Variants in IRF2 observed in about 807,000 individuals in gnomAD.
The protein encoded by IRF2 is interferon regulatory factor 2.
Under a neutral mutation model 40.6 loss-of-function variants are expected in IRF2, and 15 were observed. The ratio of observed to expected loss-of-function variants is 0.37; its 90% CI spans 0.25 to 0.57. The LOEUF (loss-of-function observed/expected upper bound fraction) is 0.57, where lower values mean the gene tolerates loss of function less well. Ranked by LOEUF, IRF2 falls within the 20% of genes least tolerant of loss-of-function variation. The pLI, the probability that IRF2 is intolerant of heterozygous loss-of-function variation, is 0.77. For synonymous variants in IRF2, 151 were observed against 165.5 expected, an observed-to-expected ratio of 0.91 and a Z score of 0.67; for missense variants, 317 against 455.7, an observed-to-expected ratio of 0.70 and a Z score of 2.77.
At chr4:184,437,661 G>C (rs1008283642) in intron 1 of IRF2, among the ~76,000 whole-genome samples, 2 of 152,148 alleles carry the variant, frequency 1.3e-5, no homozygotes, top group African/African-American at 4.8e-5. Context: ...TGCCCAGCTA[G>C]AGTCTGAGCT....
At chr4:184,430,870 AT>A (rs1193896980) in intron 1 of IRF2, among the ~76,000 whole-genome samples, 1 of 151,356 alleles carries the variant, frequency 6.6e-6, no homozygotes, top group Admixed American at 6.6e-5. Flanking sequence ...ATTTTTTTTT[AT>A]TTTTTGTAGA....
At chr4:184,460,531 C>T (rs1339324523) in intron 1 of IRF2, among the ~76,000 whole-genome samples, 1 of 152,116 alleles carries the variant, frequency 6.6e-6, no homozygotes, top group Non-Finnish European at 1.5e-5. Context: ...TTTATGAATT[C>T]CCTACTTGCT....
At chr4:184,403,729 C>A (rs73874629) in intron 6 of IRF2, among the ~76,000 whole-genome samples, 1 of 152,344 alleles carries the variant, frequency 6.6e-6, no homozygotes, top group African/African-American at 2.4e-5. Flanking sequence ...GCTTTCTTAG[C>A]CCCTCTCAGG....
chr4:184,408,165 G>T lies in IRF2; in HGVS notation c.522C>A (p.Asn174Lys). Reference sequence around the variant, plus strand: ...GACGTCAAAACAGTTTACCTATGATGTTCACCGTACTATCCACTTCATTTT... The same window carrying T: ...GACGTCAAAACAGTTTACCTATGATTTTCACCGTACTATCCACTTCATTTT... ...TIKNEVDSTV[N>K]IIVVGQSHLD... The change falls in exon 6 of 9, where the codon AAC (asparagine) becomes AAA (lysine). Residue 174 changes from asparagine to lysine, a missense_variant. Asn to Lys is a moderately conservative substitution (Grantham distance 94). This residue lies in a region of IRF2 where 262 missense variants were observed against 334.0 expected (regional missense o/e 0.78). Transcript: ENST00000393593. This position sits in a 1 kb window ranked among gnomAD's most constrained non-coding sequence, Gnocchi z 4.9. 6.3e-7 allele frequency: 1 copy of T among 1,587,346 alleles called. No individual in the cohort carries two copies. Among genetic ancestry groups the T allele is most frequent in the Non-Finnish European group, 8.7e-7 (1 of 1,155,992 alleles).
At chr4:184,394,626 A>G (rs985243940) in intron 7 of IRF2, among the ~76,000 whole-genome samples, 2 of 152,106 alleles carry the variant, frequency 1.3e-5, no homozygotes, top group African/African-American at 4.8e-5. Flanking sequence ...GCTGGTCAGC[A>G]GGCGATCTCC....
At chr4:184,399,787 A>G (rs564787571) in intron 6 of IRF2, among the ~76,000 whole-genome samples, 1 of 152,224 alleles carries the variant, frequency 6.6e-6, no homozygotes, top group African/African-American at 2.4e-5. Context: ...CATTAGTAGC[A>G]TCAGCTCCCC....
intron 1 of IRF2, among the ~76,000 whole-genome samples, chr4:184,432,818 A>G (rs1367690131): frequency 1.3e-5 from 2 of 152,224 alleles, no homozygotes; most frequent in African/African-American, 2.4e-5. Context: ...TGGAGCCACC[A>G]GAAGCTGGAA....
intron 1 of IRF2, among the ~76,000 whole-genome samples, chr4:184,462,207 T>C (rs951813132): frequency 1.3e-5 from 2 of 152,218 alleles, no homozygotes; most frequent in African/African-American, 2.4e-5. Flanking sequence ...AGTGTTTTCA[T>C]TGGAAGAAAG....
At chr4:184,466,454 A>C (rs1461451351) in intron 1 of IRF2, among the ~76,000 whole-genome samples, 1 of 152,230 alleles carries the variant, frequency 6.6e-6, no homozygotes, top group African/African-American at 2.4e-5. Context: ...TTGATTTATC[A>C]TTACAAATTA....
chr4:184,433,498 C>G (rs1737966109), intron 1 of IRF2, among the ~76,000 whole-genome samples: 1 of 152,132 alleles, frequency 6.6e-6, no homozygotes, highest in Non-Finnish European at 1.5e-5. Context: ...TGCAGCTCAG[C>G]CAAACCGCAA....
intron 6 of IRF2, among the ~76,000 whole-genome samples, chr4:184,405,737 T>C (rs547249451): frequency 5.7e-4 from 87 of 152,062 alleles, no homozygotes; most frequent in African/African-American, 1.6e-3. Context: ...TGAGGGAAGA[T>C]AGGAGGAGCT....
At chr4:184,436,615 T>C (rs150066033) in intron 1 of IRF2, among the ~76,000 whole-genome samples, 260 of 152,284 alleles carry the variant, frequency 1.7e-3, no homozygotes, top group African/African-American at 5.7e-3. Context: ...GAAAGCTTTA[T>C]GGTAAAGGAA....
rs761337930 is a variant in IRF2, at chr4:184,421,010, A to G, written c.88-1442T>C. On this transcript the variant is annotated intron_variant, in intron 2 of 8. Coordinates refer to ENST00000393593, the MANE Select transcript of IRF2 (RefSeq NM_002199.4). ...CAGTTGAGACCTGGATTCTGTGGAG[A>G]TTAAAGCCCAGGAGGTTGTACTCTT... is the stretch of plus-strand genomic sequence containing the variant. Among the ~76,000 whole-genome samples the G allele has an allele frequency of 1.1e-4, 17 of 152,296 alleles. No individual in the cohort carries two copies. The South Asian group carries it at 1.2e-3, about 11-fold the overall frequency.
intron 1 of IRF2, among the ~76,000 whole-genome samples, chr4:184,437,572 T>A (rs1045733886): frequency 6.6e-6 from 1 of 151,362 alleles, no homozygotes; most frequent in Non-Finnish European, 1.5e-5. Flanking sequence ...GAAGAAGAAA[T>A]AAGAAAGAAA....
At chr4:184,417,153 C>T (rs1025328287) in intron 5 of IRF2, among the ~76,000 whole-genome samples, 4 of 152,056 alleles carry the variant, frequency 2.6e-5, no homozygotes, top group Non-Finnish European at 5.9e-5. Flanking sequence ...ATTGATGAAG[C>T]AAAACTGGCC....
At position 184,388,656 on chromosome 4, in the gene IRF2, T is replaced by C; in HGVS notation, c.*102A>G. 2 of 1,211,758 alleles carry C rather than the reference T, an allele frequency of 1.7e-6. No homozygotes were observed. The highest frequency in any genetic ancestry group is 4.7e-5 in the East Asian group (2 of 42,678). The allele number at this position is 1,211,758 out of a possible 1,614,324, so 75.1% of individuals were successfully genotyped here. ...GTTCTATTGTCAAGGCTTTTTCCCT[T>C]AGATTTGTCTAAAATAGGTGTCAGA... On this transcript the variant is annotated 3_prime_UTR_variant, in exon 9 of 9. Coordinates refer to ENST00000393593, the MANE Select transcript of IRF2 (RefSeq NM_002199.4). This position sits in a 1 kb window ranked among gnomAD's most constrained non-coding sequence, Gnocchi z 4.6.
intron 4 of IRF2, 113 bp downstream of exon 4, chr4:184,418,419 G>T: frequency 9.4e-7 from 1 of 1,063,770 alleles, no homozygotes; most frequent in Non-Finnish European, 1.4e-6. Flanking sequence ...ATCCCCTACA[G>T]CATGAACAGG....
intron 1 of IRF2, among the ~76,000 whole-genome samples, chr4:184,431,466 G>C (rs1308841129): frequency 1.3e-5 from 2 of 152,220 alleles, no homozygotes; most frequent in African/African-American, 4.8e-5. Flanking sequence ...TGTGCACAGA[G>C]GAGTGCACTG....
At chr4:184,392,111 A>G (rs1260347295) in intron 7 of IRF2, among the ~76,000 whole-genome samples, 6 of 152,222 alleles carry the variant, frequency 3.9e-5, no homozygotes, top group Non-Finnish European at 8.8e-5. Context: ...TAAAATATCA[A>G]TGGTGTGCGA....
Sources: gnomAD v4.1 joint callset for allele counts (sites outside exome capture counted in the v4.1 genomes callset) on GRCh38, gnomAD v4.1.1 for gene constraint, gnomAD v4.1.1 regional missense constraint, Gnocchi (gnomAD v3.1) non-coding constraint, MANE v1.5 for transcripts, NCBI Gene and HGNC (gene_info 2026-07-23, HGNC 2026-07-21) for gene names.